RORA: variants seen among roughly 807,000 people sequenced by gnomAD.
The protein encoded by RORA is RAR related orphan receptor A.
A neutral mutation model predicts 69.5 loss-of-function variants in RORA; 7 were observed. That is an observed-to-expected ratio of 0.10 (90% confidence interval 0.06 to 0.19). The LOEUF is 0.19. RORA is among the 10% of genes least tolerant of loss of function. RORA has a pLI of 1.00. For missense variants in RORA, 457 were observed against 663.0 expected (o/e 0.69, Z 3.41); for synonymous variants, 261 against 240.8 (o/e 1.08, Z -0.78).
intron 1 of RORA, among the ~76,000 whole-genome samples, chr15:60,937,539 A>C (rs753314226): frequency 5.3e-5 from 8 of 152,200 alleles, no homozygotes; most frequent in Non-Finnish European, 1.2e-4. Flanking sequence ...ATTCTGTTTC[A>C]TATGCACTGG....
At chr15:60,796,284 T>C (rs1830870048) in intron 1 of RORA, among the ~76,000 whole-genome samples, 1 of 152,150 alleles carries the variant, frequency 6.6e-6, no homozygotes, top group South Asian at 2.1e-4. Context: ...CACACGACTC[T>C]CCAGGCACTC....
intron 1 of RORA, among the ~76,000 whole-genome samples, chr15:60,856,222 C>G (rs951439905): frequency 3.3e-5 from 5 of 152,186 alleles, no homozygotes; most frequent in African/African-American, 9.6e-5. Flanking sequence ...GTAAAACTAT[C>G]TTCTTGGCAT....
At chr15:61,165,614 C>A (rs2079534288) in intron 1 of RORA, among the ~76,000 whole-genome samples, 1 of 152,172 alleles carries the variant, frequency 6.6e-6, no homozygotes, top group Non-Finnish European at 1.5e-5. Flanking sequence ...GGGGTCCCAC[C>A]AATCCCCAAG....
intron 1 of RORA, among the ~76,000 whole-genome samples, chr15:60,850,269 T>C (rs2073310282): frequency 6.6e-6 from 1 of 152,150 alleles, no homozygotes. Context: ...AACAACCCTC[T>C]TTGGAACAGT....
At chr15:60,966,124 G>A (rs193202110) in intron 1 of RORA, among the ~76,000 whole-genome samples, 19 of 152,124 alleles carry the variant, frequency 1.2e-4, no homozygotes, top group Non-Finnish European at 2.4e-4. Context: ...GCCACTCAAT[G>A]GTCATCTTCT....
intron 1 of RORA, among the ~76,000 whole-genome samples, chr15:60,857,327 G>T (rs1370500983): frequency 6.6e-6 from 1 of 152,064 alleles, no homozygotes; most frequent in African/African-American, 2.4e-5. Context: ...GAGCTACCCG[G>T]CAAGTCAAGT....
intron 1 of RORA, among the ~76,000 whole-genome samples, chr15:60,701,127 C>T (rs568107259): frequency 3.9e-5 from 6 of 152,342 alleles, no homozygotes; most frequent in African/African-American, 1.4e-4. Context: ...ATTCATCCCT[C>T]ACTATCTTCC....
At chr15:60,944,241 T>G (rs538043743) in intron 1 of RORA, among the ~76,000 whole-genome samples, 1 of 152,164 alleles carries the variant, frequency 6.6e-6, no homozygotes, top group African/African-American at 2.4e-5. Flanking sequence ...TGGTCTGAGA[T>G]GGAGCATGGG....
chr15:60,792,865 G>GT (rs2072437073), intron 1 of RORA, among the ~76,000 whole-genome samples: 1 of 152,150 alleles, frequency 6.6e-6, no homozygotes. Context: ...TCTCAAAGAT[G>GT]TAAGAAGTTA....
chr15:61,155,231 G>GT (rs2079432288), intron 1 of RORA, among the ~76,000 whole-genome samples: 1 of 152,044 alleles, frequency 6.6e-6, no homozygotes, highest in African/African-American at 2.4e-5. Context: ...TACATTATGT[G>GT]TCACCTATTA....
At chr15:60,937,601 C>T (rs1212031536) in intron 1 of RORA, among the ~76,000 whole-genome samples, 1 of 152,120 alleles carries the variant, frequency 6.6e-6, no homozygotes, top group East Asian at 1.9e-4. Context: ...TGGGTGATTC[C>T]ACCAGTTTCC....
intron 1 of RORA, among the ~76,000 whole-genome samples, chr15:61,160,458 T>G (rs890756857): frequency 2.6e-5 from 4 of 151,148 alleles, no homozygotes; most frequent in Admixed American, 2.0e-4. Context: ...AGCTTTAATA[T>G]TCAGTAAATA....
chr15:60,674,722 C>T (rs1290917442), intron 2 of RORA, among the ~76,000 whole-genome samples: 2 of 152,134 alleles, frequency 1.3e-5, no homozygotes, highest in Non-Finnish European at 2.9e-5. Context: ...GAAAATATTT[C>T]CGAAGATTCA....
chr15:60,697,359 A>T (rs2070919969), intron 1 of RORA, among the ~76,000 whole-genome samples: 1 of 152,208 alleles, frequency 6.6e-6, no homozygotes, highest in Non-Finnish European at 1.5e-5. Context: ...CCACAAGCCT[A>T]GGTTAGATGC....
rs180850416 is a variant in RORA, at chr15:60,665,593, G to A, written c.196+13064C>T. Among the ~76,000 whole-genome samples the A allele has an allele frequency of 7.2e-5, 11 of 152,302 alleles. No individual in the cohort carries two copies. In the East Asian group the frequency reaches 2.1e-3, roughly 29 times the overall value. On this transcript the variant is annotated intron_variant, in intron 2 of 10. Coordinates refer to ENST00000335670, the MANE Select transcript of RORA (RefSeq NM_134261.3). Reference sequence around the variant, plus strand: ...AGACTCAAAATGCATATGGTAAATTGCCAGATGTCAAGCAGCCCTTTGAAT... The same window carrying A: ...AGACTCAAAATGCATATGGTAAATTACCAGATGTCAAGCAGCCCTTTGAAT...
intron 1 of RORA, among the ~76,000 whole-genome samples, chr15:61,198,993 T>G (rs899682503): frequency 2.0e-5 from 3 of 152,214 alleles, no homozygotes; most frequent in Non-Finnish European, 4.4e-5. Context: ...CACCACCTGC[T>G]AGCCCATCTC....
At chr15:61,227,829 C>G (rs1455427752) in intron 1 of RORA, among the ~76,000 whole-genome samples, 2 of 152,170 alleles carry the variant, frequency 1.3e-5, no homozygotes, top group Non-Finnish European at 2.9e-5. Context: ...GAGTGACAGG[C>G]GCGATTTATA....
intron 1 of RORA, among the ~76,000 whole-genome samples, chr15:60,944,694 C>CAA (rs58523588): frequency 3.8e-4 from 37 of 96,412 alleles, no homozygotes; most frequent in African/African-American, 1.1e-3. Flanking sequence ...CACTGTACTC[C>CAA]AAAAAAAAAA....
intron 1 of RORA, among the ~76,000 whole-genome samples, chr15:61,070,413 G>A (rs188441363): frequency 2.6e-5 from 4 of 152,310 alleles, no homozygotes; most frequent in African/African-American, 9.6e-5. Flanking sequence ...TGGTAGAAGA[G>A]ACCCCAACAC....
Sources: allele counts gnomAD v4.1 joint callset (sites outside exome capture counted in the v4.1 genomes callset), GRCh38; gene constraint gnomAD v4.1.1; transcripts MANE v1.5; gene names NCBI Gene and HGNC (gene_info 2026-07-23, HGNC 2026-07-21).